The following SPAG16 variants were observed in gnomAD, a reference collection of about 807,000 sequenced individuals.
SPAG16 encodes sperm associated antigen 16, also known as sperm-associated antigen 16 protein.
In SPAG16, 86 loss-of-function variants were observed where a neutral mutation model predicts 80.4. The observed-to-expected ratio is 1.07, with a 90% CI of 0.90 to 1.28. The LOEUF (loss-of-function observed/expected upper bound fraction) is 1.28. Ranked by LOEUF, SPAG16 falls within the 50% of genes most tolerant of loss-of-function variation. The pLI, the probability that SPAG16 is intolerant of heterozygous loss-of-function variation, is 0.00. For missense variants in SPAG16, 870 were observed against 765.3 expected, an observed-to-expected ratio of 1.14 and a Z score of -1.61; for synonymous variants, 294 against 265.9, an observed-to-expected ratio of 1.11 and a Z score of -1.03.
chr2:213,356,056 T>G (rs1031761073), intron 7 of SPAG16, among the ~76,000 whole-genome samples: 4 of 152,190 alleles, frequency 2.6e-5, no homozygotes, highest in African/African-American at 9.7e-5. Context: ...CAATACCTAG[T>G]TTATTGAGAG....
At chr2:214,127,088 A>G (rs1224834869) in intron 14 of SPAG16, among the ~76,000 whole-genome samples, 1 of 151,810 alleles carries the variant, frequency 6.6e-6, no homozygotes, top group Non-Finnish European at 1.5e-5. Context: ...TAATATGGAC[A>G]TTCAGGATTC....
chr2:213,682,633 C>T (rs972741986), intron 10 of SPAG16, among the ~76,000 whole-genome samples: 3 of 151,928 alleles, frequency 2.0e-5, no homozygotes, highest in Non-Finnish European at 4.4e-5. Context: ...ATTGTGGGGT[C>T]GGCATGTCTC....
intron 13 of SPAG16, among the ~76,000 whole-genome samples, chr2:214,042,638 G>A (rs1259079709): frequency 6.6e-6 from 1 of 152,058 alleles, no homozygotes; most frequent in Non-Finnish European, 1.5e-5. Context: ...TGAAACTTTG[G>A]CGAAGATTTG....
intron 10 of SPAG16, among the ~76,000 whole-genome samples, chr2:213,658,970 A>T (rs1370050210): frequency 6.6e-6 from 1 of 152,080 alleles, no homozygotes; most frequent in Non-Finnish European, 1.5e-5. Context: ...CGGGAGGCAG[A>T]GGTTGCAGTG....
intron 13 of SPAG16, among the ~76,000 whole-genome samples, chr2:214,047,600 C>T (rs2049401427): frequency 6.6e-6 from 1 of 152,066 alleles, no homozygotes; most frequent in African/African-American, 2.4e-5. Flanking sequence ...TACAAGAAAA[C>T]ATTGGTGAAA....
At chr2:213,843,829 C>T (rs563529091) in intron 10 of SPAG16, among the ~76,000 whole-genome samples, 15 of 152,068 alleles carry the variant, frequency 9.9e-5, no homozygotes, top group East Asian at 5.8e-4. Flanking sequence ...CCAGCCTGGG[C>T]GACAGAGTGA....
At chr2:213,452,805 C>T (rs1318433000) in intron 9 of SPAG16, among the ~76,000 whole-genome samples, 1 of 152,204 alleles carries the variant, frequency 6.6e-6, no homozygotes, top group Admixed American at 6.5e-5. Flanking sequence ...TATGCCCTAA[C>T]ACAACTTAAA....
intron 10 of SPAG16, among the ~76,000 whole-genome samples, chr2:213,651,482 C>T (rs2063021182): frequency 6.6e-6 from 1 of 152,158 alleles, no homozygotes; most frequent in African/African-American, 2.4e-5. Context: ...GTTTGGGAAG[C>T]TGCAGGAAGG....
chr2:213,782,043 T>A (rs557544604), intron 10 of SPAG16, among the ~76,000 whole-genome samples: 17 of 152,302 alleles, frequency 1.1e-4, no homozygotes, highest in African/African-American at 4.1e-4. Flanking sequence ...ACCTTCCTGC[T>A]TACTGAATTA....
At chr2:213,652,502 T>C (rs1202757677) in intron 10 of SPAG16, among the ~76,000 whole-genome samples, 1 of 152,150 alleles carries the variant, frequency 6.6e-6, no homozygotes, top group African/African-American at 2.4e-5. Context: ...TTTTTTTATA[T>C]TTCCAGCAGC....
chr2:213,377,689 C>G (rs1489209905), intron 9 of SPAG16, among the ~76,000 whole-genome samples: 1 of 151,772 alleles, frequency 6.6e-6, no homozygotes, highest in Non-Finnish European at 1.5e-5. Context: ...TTACTTTTTC[C>G]CTAGTTTGCT....
At chr2:213,511,070 G>T (rs745902746) in intron 10 of SPAG16, among the ~76,000 whole-genome samples, 1 of 151,908 alleles carries the variant, frequency 6.6e-6, no homozygotes, top group Non-Finnish European at 1.5e-5. Context: ...ATGGCATTTG[G>T]GTATATGAAT....
At chr2:213,497,577 C>T (rs2074549036) in intron 10 of SPAG16, among the ~76,000 whole-genome samples, 1 of 151,806 alleles carries the variant, frequency 6.6e-6, no homozygotes, top group Non-Finnish European at 1.5e-5. Flanking sequence ...CAGTTGCCCT[C>T]CTGGGACTGT....
chr2:213,733,096 G>C (rs879143316), intron 10 of SPAG16, among the ~76,000 whole-genome samples: 1 of 152,106 alleles, frequency 6.6e-6, no homozygotes, highest in African/African-American at 2.4e-5. Context: ...GTATCTCATT[G>C]TGGTTTTGAT....
At chr2:213,487,640 T>C (rs1190646913) in intron 9 of SPAG16, among the ~76,000 whole-genome samples, 1 of 152,146 alleles carries the variant, frequency 6.6e-6, no homozygotes, top group African/African-American at 2.4e-5. Flanking sequence ...CATTATATTT[T>C]ACTATTTTAT....
intron 11 of SPAG16, among the ~76,000 whole-genome samples, chr2:213,878,368 T>G (rs79465587): frequency 6.6e-6 from 1 of 152,274 alleles, no homozygotes; most frequent in African/African-American, 2.4e-5. Flanking sequence ...ATAACAGACC[T>G]TCTAACTAGT....
intron 10 of SPAG16, among the ~76,000 whole-genome samples, chr2:213,825,464 A>G (rs144063263): frequency 0.047 from 7,152 of 152,094 alleles, 198 homozygotes; most frequent in East Asian, 0.082. Flanking sequence ...ATACTTTTTC[A>G]GCATCAATTG....
chr2:214,222,339 A>G (rs756011072), intron 15 of SPAG16, among the ~76,000 whole-genome samples: 14 of 150,398 alleles, frequency 9.3e-5, no homozygotes, highest in Non-Finnish European at 2.1e-4. Context: ...CTGGTCTTGA[A>G]CTCCTGACCT....
chr2:213,520,339 C>A (rs1489840450), intron 10 of SPAG16, among the ~76,000 whole-genome samples: 2 of 152,060 alleles, frequency 1.3e-5, no homozygotes, highest in Non-Finnish European at 2.9e-5. Context: ...GTAATCCCAG[C>A]ACTTTGGGAG....
Sources: allele counts gnomAD v4.1 joint callset (sites outside exome capture counted in the v4.1 genomes callset), GRCh38; gene constraint gnomAD v4.1.1; transcripts MANE v1.5; gene names NCBI Gene and HGNC (gene_info 2026-07-23, HGNC 2026-07-21).